The following SLC22A23 variants were observed in gnomAD, a reference collection of about 807,000 sequenced individuals.
The protein encoded by SLC22A23 is ion transporter protein.
Under a neutral mutation model 61.0 loss-of-function variants are expected in SLC22A23, and 26 were observed. That is an observed-to-expected ratio of 0.43 (90% CI 0.31 to 0.59). SLC22A23 has a LOEUF of 0.59. Among genes scored for constraint, SLC22A23 ranks in the 20% least tolerant of loss-of-function variants. The pLI, the probability that SLC22A23 is intolerant of heterozygous loss-of-function variation, is 0.11. For missense variants in SLC22A23, 796 were observed against 934.7 expected (o/e 0.85, Z 1.94); for synonymous variants, 430 against 413.9 (o/e 1.04, Z -0.47).
intron 3 of SLC22A23, among the ~76,000 whole-genome samples, chr6:3,399,555 T>C (rs1768240153): frequency 6.6e-6 from 1 of 152,192 alleles, no homozygotes; most frequent in Non-Finnish European, 1.5e-5. Context: ...GGGCCAAGCC[T>C]ATAGCTGTGT....
intron 3 of SLC22A23, among the ~76,000 whole-genome samples, chr6:3,402,518 C>G (rs1768489047): frequency 6.7e-6 from 1 of 149,274 alleles, no homozygotes; most frequent in Admixed American, 6.7e-5. Flanking sequence ...CCCCAATCAT[C>G]CACACTACAC....
chr6:3,282,735 C>T (rs1220699954), intron 9 of SLC22A23, among the ~76,000 whole-genome samples: 1 of 152,238 alleles, frequency 6.6e-6, no homozygotes, highest in African/African-American at 2.4e-5. Flanking sequence ...TGGTATAACT[C>T]AAGCTCCTCA....
At chr6:3,358,883 C>A (rs1272818213) in intron 3 of SLC22A23, among the ~76,000 whole-genome samples, 1 of 152,064 alleles carries the variant, frequency 6.6e-6, no homozygotes, top group Non-Finnish European at 1.5e-5. Context: ...ATGGTGGGAA[C>A]CTTTGCCATT....
In SLC22A23 at chr6:3,330,303, C is replaced by A. The variant is rs1763514968; in HGVS notation, c.914-6301G>T. 6.6e-6 allele frequency among the ~76,000 whole-genome samples: 1 copy of A among 152,220 alleles called. No individual in the cohort carries two copies. The highest frequency in any genetic ancestry group is 2.4e-5 in the African/African-American group (1 of 41,462). ...TGCTGCCTGCCTCGCTGGGCTTCCA[C>A]CAACCTGGTTCAGGCTTGGCCCTAA... On this transcript the variant is annotated intron_variant, in intron 3 of 9. Transcript: ENST00000406686. This position sits in a 1 kb window ranked among gnomAD's most constrained non-coding sequence, Gnocchi z 4.7.
chr6:3,417,141 G>T (rs985531674), intron 1 of SLC22A23, among the ~76,000 whole-genome samples: 1 of 152,188 alleles, frequency 6.6e-6, no homozygotes. Flanking sequence ...GCCAAGCTCT[G>T]TGTCAGTGGA....
chr6:3,452,710 T>A (rs925153776), intron 1 of SLC22A23, among the ~76,000 whole-genome samples: 1 of 146,276 alleles, frequency 6.8e-6, no homozygotes, highest in Non-Finnish European at 1.5e-5. Context: ...TTATAAACTA[T>A]AAAGGGCTGC....
chr6:3,341,666 G>T (rs890248030), intron 3 of SLC22A23, among the ~76,000 whole-genome samples: 1 of 151,956 alleles, frequency 6.6e-6, no homozygotes, highest in Non-Finnish European at 1.5e-5. Flanking sequence ...TCTGATTCAC[G>T]CTGGGCTGCC....
chr6:3,329,268 AG>A lies in SLC22A23; in HGVS notation c.914-5267del, dbSNP rs199775859. 6.6e-6 allele frequency among the ~76,000 whole-genome samples: 1 copy of A among 151,368 alleles called. No homozygotes were observed. The highest frequency in any genetic ancestry group is 2.4e-5 in the African/African-American group (1 of 40,916). On this transcript the variant is annotated intron_variant, in intron 3 of 9. Coordinates refer to ENST00000406686, the MANE Select transcript of SLC22A23 (RefSeq NM_015482.2). This position sits in a 1 kb window ranked among gnomAD's most constrained non-coding sequence, Gnocchi z 4.8. ...TTTGAAGCCAATCTTTGAAAAAAAA[AG>A]GCCCATCCTCCCATAATGCACAAAT...
chr6:3,424,392 C>G (rs1311081771), intron 1 of SLC22A23, among the ~76,000 whole-genome samples: 1 of 152,216 alleles, frequency 6.6e-6, no homozygotes, highest in African/African-American at 2.4e-5. Context: ...CAAAGTATGG[C>G]CGATTTTCTG....
At chr6:3,420,248 A>AC (rs771831912) in intron 1 of SLC22A23, among the ~76,000 whole-genome samples, 5 of 148,864 alleles carry the variant, frequency 3.4e-5, no homozygotes, top group African/African-American at 4.9e-5. Flanking sequence ...AAAAAAAAAA[A>AC]CCAAAAACTG....
At chr6:3,413,215 G>A (rs1225594532) in intron 2 of SLC22A23, among the ~76,000 whole-genome samples, 1 of 152,240 alleles carries the variant, frequency 6.6e-6, no homozygotes, top group East Asian at 1.9e-4. Flanking sequence ...GCTCTCGACA[G>A]CAGGGAGTAG....
At chr6:3,354,032 G>A (rs757438578) in intron 3 of SLC22A23, among the ~76,000 whole-genome samples, 37 of 152,230 alleles carry the variant, frequency 2.4e-4, no homozygotes, top group Admixed American at 4.6e-4. Context: ...TGATGTGACA[G>A]GTAGCTAAGC....
chr6:3,288,938 C>G (rs746990549), intron 6 of SLC22A23, among the ~76,000 whole-genome samples: 2 of 152,272 alleles, frequency 1.3e-5, no homozygotes, highest in Non-Finnish European at 2.9e-5. Context: ...AACTGATGAG[C>G]TGCTTTGACA....
At chr6:3,320,276 G>A (rs1361842630) in intron 4 of SLC22A23, among the ~76,000 whole-genome samples, 1 of 152,116 alleles carries the variant, frequency 6.6e-6, no homozygotes, top group Admixed American at 6.5e-5. Context: ...ATTTATATGT[G>A]TGTATGGAGG....
At chr6:3,323,165 A>G (rs541526847) in intron 4 of SLC22A23, 1 of 440,988 alleles carries the variant, frequency 2.3e-6, no homozygotes, top group Admixed American at 2.5e-5. Context: ...GGTTACCCAT[A>G]GTTCAAAAAG....
intron 9 of SLC22A23, chr6:3,283,491 C>T (rs1359459342): frequency 9.5e-6 from 3 of 315,270 alleles, no homozygotes; most frequent in East Asian, 1.6e-4. Flanking sequence ...CTAGCTGTGC[C>T]GTGAGGTCTC....
chr6:3,444,909 G>A, intron 1 of SLC22A23: 1 of 985,438 alleles, frequency 1.0e-6, no homozygotes. Context: ...GTGGCCTTCA[G>A]CTCCTCCCCC....
chr6:3,272,788 A>C lies in SLC22A23; in HGVS notation c.*267T>G. 8 of 335,112 alleles carry C rather than the reference A, an allele frequency of 2.4e-5. No individual in the cohort carries two copies. The highest frequency in any genetic ancestry group is 6.0e-5 in the East Asian group (1 of 16,578). 20.8% of individuals were successfully genotyped at this position (335,112 alleles called of 1,614,324 possible). A position where few individuals can be genotyped will look rare whatever the true frequency, so the allele number is the denominator to read the frequency against. On this transcript the variant is annotated 3_prime_UTR_variant, in exon 10 of 10. Coordinates refer to ENST00000406686, the MANE Select transcript of SLC22A23 (RefSeq NM_015482.2). ...TTGTGATCAGTGAGAGGGAGAGGGA[A>C]TAAAGTGCTTCTCGTAAAAATGACC...
At position 3,272,898 on chromosome 6, in the gene SLC22A23, C is replaced by T. The variant is rs1397427244; in HGVS notation, c.*157G>A. On this transcript the variant is annotated 3_prime_UTR_variant, in exon 10 of 10. Transcript: ENST00000406686. ...AGTTTGTCTCCTCCGACCCGCGCTCCTTGGACTTTTGGAAAGACAGGATTT... is the reference window on the plus strand; with the variant it reads ...AGTTTGTCTCCTCCGACCCGCGCTCTTTGGACTTTTGGAAAGACAGGATTT... 8 of 662,392 alleles carry T rather than the reference C, an allele frequency of 1.2e-5. No homozygotes were observed. The highest frequency in any genetic ancestry group is 1.8e-5 in the Non-Finnish European group (7 of 398,464). 41.0% of individuals were successfully genotyped at this position (662,392 alleles called of 1,614,324 possible).
Sources: allele counts gnomAD v4.1 joint callset (sites outside exome capture counted in the v4.1 genomes callset), GRCh38; gene constraint gnomAD v4.1.1; non-coding constraint Gnocchi (gnomAD v3.1); transcripts MANE v1.5; gene names NCBI Gene and HGNC (gene_info 2026-07-23, HGNC 2026-07-21).